MAML2: variants seen among roughly 807,000 people sequenced by gnomAD.
MAML2 encodes the protein mastermind-like protein 2.
Under a neutral mutation model 96.1 loss-of-function variants are expected in MAML2, and 22 were observed. The observed-to-expected ratio is 0.23, with a 90% CI of 0.16 to 0.33. The LOEUF (loss-of-function observed/expected upper bound fraction) is 0.33. Among genes scored for constraint, MAML2 ranks in the 10% least tolerant of loss-of-function variants. The pLI is 1.00. For synonymous variants in MAML2, 561 were observed against 521.3 expected (o/e 1.08, Z -1.04); for missense variants, 1,367 against 1,392.4 (o/e 0.98, Z 0.29).
At chr11:96,035,397 T>A (rs370534432) in intron 2 of MAML2, among the ~76,000 whole-genome samples, 2 of 152,248 alleles carry the variant, frequency 1.3e-5, no homozygotes, top group East Asian at 3.8e-4. Flanking sequence ...TTTGGAACAA[T>A]CTGCTCTGCC....
At chr11:96,291,965 T>C (rs1863219173) in intron 1 of MAML2, among the ~76,000 whole-genome samples, 1 of 152,130 alleles carries the variant, frequency 6.6e-6, no homozygotes, top group Admixed American at 6.5e-5. Flanking sequence ...AGCATGTGAG[T>C]CTCCATTTGA....
intron 1 of MAML2, among the ~76,000 whole-genome samples, chr11:96,178,062 G>A (rs1417585480): frequency 7.5e-5 from 11 of 145,730 alleles, no homozygotes; most frequent in African/African-American, 2.8e-4. Context: ...TCATATAAGC[G>A]TTTCTTTCTG....
intron 1 of MAML2, among the ~76,000 whole-genome samples, chr11:96,276,816 CAA>C (rs67291067): frequency 0.032 from 2,483 of 78,708 alleles, 57 homozygotes; most frequent in African/African-American, 0.099. Context: ...TTCTCAGACC[CAA>C]AAAAAAAAAA....
At position 96,083,007 on chromosome 11, in the gene MAML2, T is replaced by A. The variant is rs182033372; in HGVS notation, c.2139+8885A>T. Reference sequence around the variant, plus strand: ...GAAGATAGAAAGGAGAGAGTAAAGATGTAAGATACAATGATTGATGGAATA... The same window carrying A: ...GAAGATAGAAAGGAGAGAGTAAAGAAGTAAGATACAATGATTGATGGAATA... On this transcript the variant is annotated intron_variant, in intron 2 of 4. Transcript: ENST00000524717. Among the ~76,000 whole-genome samples the A allele has an allele frequency of 2.8e-3, 426 of 152,234 alleles. 2 individuals are homozygous for A. The highest frequency in any genetic ancestry group is 9.8e-3 in the African/African-American group (405 of 41,528).
intron 1 of MAML2, among the ~76,000 whole-genome samples, chr11:96,108,339 T>C (rs1156926723): frequency 6.6e-6 from 1 of 152,224 alleles, no homozygotes; most frequent in Non-Finnish European, 1.5e-5. Context: ...AATAGTCAGC[T>C]ATTATTTTTA....
chr11:96,164,200 G>A (rs1170923524), intron 1 of MAML2, among the ~76,000 whole-genome samples: 1 of 152,036 alleles, frequency 6.6e-6, no homozygotes, highest in Non-Finnish European at 1.5e-5. Flanking sequence ...ACAAATCCAA[G>A]CTGCAGGAAA....
intron 3 of MAML2, among the ~76,000 whole-genome samples, chr11:95,990,771 T>G (rs577569295): frequency 1.3e-5 from 2 of 152,324 alleles, no homozygotes; most frequent in South Asian, 4.1e-4. Context: ...TTCTGTATAC[T>G]TTAGCTCTAA....
intron 1 of MAML2, among the ~76,000 whole-genome samples, chr11:96,240,565 A>AAAG (rs1862423142): frequency 6.9e-6 from 1 of 144,910 alleles, no homozygotes; most frequent in Non-Finnish European, 1.5e-5. Flanking sequence ...CTCAAAAAAA[A>AAAG]AAAAAAAAAA....
At chr11:96,231,048 G>A (rs971170148) in intron 1 of MAML2, among the ~76,000 whole-genome samples, 6 of 149,834 alleles carry the variant, frequency 4.0e-5, no homozygotes, top group African/African-American at 1.0e-4. Flanking sequence ...AATGACAAGC[G>A]AATAGATGTG....
chr11:96,002,480 A>G (rs1443375109), intron 2 of MAML2, among the ~76,000 whole-genome samples: 1 of 152,158 alleles, frequency 6.6e-6, no homozygotes, highest in Non-Finnish European at 1.5e-5. Context: ...AAGAAAAGTT[A>G]GTGGTGAATG....
chr11:96,153,243 C>T (rs535988046), intron 1 of MAML2, among the ~76,000 whole-genome samples: 5 of 151,476 alleles, frequency 3.3e-5, no homozygotes, highest in South Asian at 4.2e-4. Context: ...CTTGCTCCTA[C>T]GCCTGTACCT....
chr11:96,085,064 TGGAGAATTA>T (rs1418383601), intron 2 of MAML2, among the ~76,000 whole-genome samples: 1 of 152,204 alleles, frequency 6.6e-6, no homozygotes, highest in Non-Finnish European at 1.5e-5. Context: ...ATTTATTGCT[TGGAGAATTA>T]GGCACCACTT....
rs57102762 is a variant in MAML2, at chr11:96,076,432, TCACACACACA to T, written c.2139+15450_2139+15459del. Among the ~76,000 whole-genome samples the T allele has an allele frequency of 5.5e-3, 565 of 103,160 alleles. 6 individuals are homozygous for T. Among genetic ancestry groups the T allele is most frequent in the African/African-American group, 0.015 (520 of 34,214 alleles). The allele number at this position is 103,160 out of a possible 152,430, so 67.7% of individuals were successfully genotyped here. A position where few individuals can be genotyped will look rare whatever the true frequency, so the allele number is the denominator to read the frequency against. On this transcript the variant is annotated intron_variant, in intron 2 of 4. Transcript: ENST00000524717. Reference sequence around the variant, plus strand: ...GCTCTCTTTTGTCTCTCTCTCTCTCTCACACACACACACACACACACACACACACACACAC... The same window carrying T: ...GCTCTCTTTTGTCTCTCTCTCTCTCTCACACACACACACACACACACACAC...
rs1028948800 is a variant in MAML2 at position 95,982,681 on chromosome 11, G to A, written c.2456-2718C>T. ...AATTGTGTATAGTATTCCAAAGGGC[G>A]CCCAGCTTTTTCAAAGCTCGCTCAT... On this transcript the variant is annotated intron_variant, in intron 4 of 4. Coordinates refer to ENST00000524717, the MANE Select transcript of MAML2 (RefSeq NM_032427.4). Among the ~76,000 whole-genome samples the A allele has an allele frequency of 6.6e-5, 10 of 152,074 alleles. No homozygotes were observed. The South Asian group carries it at 1.0e-3, about 16-fold the overall frequency.
At chr11:95,985,667 T>C in intron 3 of MAML2, 25 bp from the exon 4 acceptor site, 1 of 1,420,356 alleles carries the variant, frequency 7.0e-7, no homozygotes, top group Non-Finnish European at 9.9e-7. Context: ...TGAAAGCATA[T>C]TATGTTGCAT....
At position 96,335,961 on chromosome 11, in the gene MAML2, C is replaced by T. The variant is rs1455153105; in HGVS notation, c.513+5422G>A. ...GTGACCCATGTTCTCATATAGCTAT[C>T]CCTGGCCTATATTTGAATCTCTCTA... On this transcript the variant is annotated intron_variant, in intron 1 of 4. Transcript: ENST00000524717. Among the ~76,000 whole-genome samples, 7 of 152,144 alleles carry T rather than the reference C, an allele frequency of 4.6e-5. No individual in the cohort carries two copies. In the South Asian group the frequency reaches 1.2e-3, roughly 27 times the overall value.
At chr11:96,032,765 C>A (rs573599177) in intron 2 of MAML2, among the ~76,000 whole-genome samples, 7 of 152,044 alleles carry the variant, frequency 4.6e-5, no homozygotes, top group Non-Finnish European at 8.8e-5. Context: ...CTCTCAAGTG[C>A]GCTATGCTAA....
intron 1 of MAML2, among the ~76,000 whole-genome samples, chr11:96,195,114 T>C (rs1861710788): frequency 6.6e-6 from 1 of 152,208 alleles, no homozygotes; most frequent in African/African-American, 2.4e-5. Flanking sequence ...TTTACCTCAG[T>C]CATAGGCTTT....
At chr11:96,159,720 G>A (rs982917718) in intron 1 of MAML2, among the ~76,000 whole-genome samples, 1 of 152,068 alleles carries the variant, frequency 6.6e-6, no homozygotes, top group African/African-American at 2.4e-5. Context: ...GACCGCGCCC[G>A]GCCTAAACCA....
Sources: allele counts gnomAD v4.1 joint callset (sites outside exome capture counted in the v4.1 genomes callset), GRCh38; gene constraint gnomAD v4.1.1; transcripts MANE v1.5; gene names NCBI Gene and HGNC (gene_info 2026-07-23, HGNC 2026-07-21).